Variants in SYCP2 observed in about 807,000 individuals in gnomAD.
SYCP2 encodes the protein synaptonemal complex protein 2.
Under a neutral mutation model 211.3 loss-of-function variants are expected in SYCP2, and 55 were observed. That is an observed-to-expected ratio of 0.26 (90% CI 0.21 to 0.33). The LOEUF is 0.33. SYCP2 is among the 10% of genes least tolerant of loss of function. The pLI is 1.00. For missense variants in SYCP2, 1,731 were observed against 1,752.0 expected (o/e 0.99, Z 0.21); for synonymous variants, 570 against 555.2 (o/e 1.03, Z -0.37).
intron 15 of SYCP2, among the ~76,000 whole-genome samples, chr20:59,903,775 GCTGTTAGACAA>G (rs1219029226): frequency 2.6e-5 from 4 of 152,090 alleles, no homozygotes; most frequent in Non-Finnish European, 4.4e-5. Context: ...TTAAATAGCA[GCTGTTAGACAA>G]CTGGAGAGGG....
chr20:59,868,996 C>A, intron 36 of SYCP2, 71 bp from the exon 37 acceptor site: 1 of 1,133,654 alleles, frequency 8.8e-7, no homozygotes, highest in Non-Finnish European at 1.3e-6. Flanking sequence ...TCACCTTTCT[C>A]AAACCCAAAA....
intron 15 of SYCP2, among the ~76,000 whole-genome samples, chr20:59,905,727 T>C (rs965497435): frequency 5.3e-4 from 81 of 152,300 alleles, no homozygotes; most frequent in African/African-American, 1.9e-3. Flanking sequence ...CTTAATCTGA[T>C]GAAGGTTATC....
In SYCP2 at chr20:59,882,173, G is replaced by A. The variant is rs1354509167; in HGVS notation, c.2530-8C>T. The A allele has an allele frequency of 1.9e-6, 3 of 1,602,170 alleles. No individual in the cohort carries two copies. Among genetic ancestry groups the A allele is most frequent in the Admixed American group, 1.7e-5 (1 of 59,528 alleles). ...TTTTTTCTGAACTTTTTCCTGAAAA[G>A]AGGGTTATAAAAAAATCATTAAATG... On this transcript the variant is annotated splice_polypyrimidine_tract_variant and splice_region_variant and intron_variant, in intron 26 of 44. Transcript: ENST00000357552.
chr20:59,876,369 CAAAAAAAAAAAAAAAAAAAAAAAAA>C (rs765782164), intron 33 of SYCP2, among the ~76,000 whole-genome samples: 298 of 23,102 alleles, frequency 0.013, 7 homozygotes, highest in Middle Eastern at 0.075. Context: ...GGCTGTGTCT[CAAAAAAAAAAAAAAAAAAAAAAAAA>C]AAAAAAAAAA....
intron 14 of SYCP2, among the ~76,000 whole-genome samples, chr20:59,910,084 G>C (rs2145825529): frequency 6.6e-6 from 1 of 152,234 alleles, no homozygotes; most frequent in Admixed American, 6.5e-5. Context: ...TGAAATATCA[G>C]AGAAACAGCC....
intron 3 of SYCP2, 136 bp downstream of exon 3, chr20:59,922,250 CTTTA>C (rs1369195531): frequency 2.4e-5 from 17 of 698,034 alleles, no homozygotes; most frequent in African/African-American, 7.5e-5. Context: ...TGAAAGGACA[CTTTA>C]TTTAAACTAT....
intron 26 of SYCP2, among the ~76,000 whole-genome samples, chr20:59,884,310 GA>G (rs533599048): frequency 6.6e-6 from 1 of 151,482 alleles, no homozygotes; most frequent in African/African-American, 2.4e-5. Context: ...GTATTGTTAG[GA>G]AAAAAATATG....
At chr20:59,901,157 T>C (rs938824516) in intron 16 of SYCP2, among the ~76,000 whole-genome samples, 3 of 152,080 alleles carry the variant, frequency 2.0e-5, no homozygotes, top group African/African-American at 7.2e-5. Context: ...AGTTAAACAA[T>C]ATTTGGCTCA....
intron 20 of SYCP2, 81 bp from the exon 21 acceptor site, chr20:59,893,674 T>C: frequency 1.0e-6 from 1 of 955,814 alleles, no homozygotes; most frequent in South Asian, 2.1e-5. Flanking sequence ...GGTTTGAGTC[T>C]TTTAAAACAA....
intron 13 of SYCP2, 89 bp from the exon 14 acceptor site, chr20:59,911,934 A>C: frequency 1.9e-6 from 1 of 526,128 alleles, no homozygotes; most frequent in South Asian, 5.1e-5. Flanking sequence ...TAAAGCAAGA[A>C]AACAAAGCTA....
intron 34 of SYCP2, among the ~76,000 whole-genome samples, chr20:59,875,053 C>CT (rs2059528843): frequency 6.6e-6 from 1 of 151,976 alleles, no homozygotes; most frequent in South Asian, 2.1e-4. Flanking sequence ...AGCATTTGAT[C>CT]TTTAACTTCC....
At chr20:59,873,797 AAAT>A in intron 35 of SYCP2, 56 bp downstream of exon 35, 1 of 1,418,666 alleles carries the variant, frequency 7.0e-7, no homozygotes, top group Non-Finnish European at 9.5e-7. Context: ...ATGATAGGGA[AAAT>A]AACTTACTAC....
chr20:59,871,346 A>G (rs2059447346), intron 35 of SYCP2, among the ~76,000 whole-genome samples: 1 of 151,406 alleles, frequency 6.6e-6, no homozygotes, highest in South Asian at 2.1e-4. Flanking sequence ...ACTGTAGAGA[A>G]ATGAGCACTA....
At chr20:59,888,697 G>C (rs2059843915) in intron 24 of SYCP2, among the ~76,000 whole-genome samples, 1 of 151,962 alleles carries the variant, frequency 6.6e-6, no homozygotes, top group South Asian at 2.1e-4. Context: ...GATTGGGAAA[G>C]AAGAAATAAA....
chr20:59,899,150 G>T (rs77261661), intron 18 of SYCP2, among the ~76,000 whole-genome samples: 2,956 of 152,236 alleles, frequency 0.019, 43 homozygotes, highest in Middle Eastern at 0.041. Context: ...TAAGTGTGCT[G>T]AGATGAGTAA....
intron 2 of SYCP2, among the ~76,000 whole-genome samples, chr20:59,927,442 T>C (rs762204655): frequency 2.0e-5 from 3 of 152,100 alleles, no homozygotes; most frequent in Non-Finnish European, 4.4e-5. Context: ...AACAGTGACA[T>C]TTCTGCCTCA....
chr20:59,871,680 G>A (rs1412444091), intron 35 of SYCP2, among the ~76,000 whole-genome samples: 1 of 151,820 alleles, frequency 6.6e-6, no homozygotes, highest in Non-Finnish European at 1.5e-5. Flanking sequence ...TCAAATCTGT[G>A]ATATAAAATG....
chr20:59,918,092 T>C (rs972371777), intron 7 of SYCP2, among the ~76,000 whole-genome samples: 1 of 152,194 alleles, frequency 6.6e-6, no homozygotes, highest in Non-Finnish European at 1.5e-5. Context: ...CACACAGCAG[T>C]CCAATGGCAG....
At chr20:59,882,972 C>A (rs2145684110) in intron 26 of SYCP2, among the ~76,000 whole-genome samples, 1 of 152,224 alleles carries the variant, frequency 6.6e-6, no homozygotes, top group South Asian at 2.1e-4. Flanking sequence ...CTTCCACTAA[C>A]ATAAATCTTA....
Sources: allele counts gnomAD v4.1 joint callset (sites outside exome capture counted in the v4.1 genomes callset), GRCh38; gene constraint gnomAD v4.1.1; transcripts MANE v1.5; gene names NCBI Gene and HGNC (gene_info 2026-07-23, HGNC 2026-07-21).